MACROD2: variants seen among roughly 807,000 people sequenced by gnomAD.
The protein encoded by MACROD2 is ADP-ribose glycohydrolase MACROD2.
In MACROD2, 36 loss-of-function variants were observed where a neutral mutation model predicts 70.4. The ratio of observed to expected loss-of-function variants is 0.51; its 90% CI spans 0.39 to 0.68. The LOEUF is 0.68. Ranked by LOEUF, MACROD2 falls within the 30% of genes least tolerant of loss-of-function variation. MACROD2 has a pLI of 0.00. For missense variants in MACROD2, 496 were observed against 538.4 expected, an observed-to-expected ratio of 0.92 and a Z score of 0.78; for synonymous variants, 172 against 178.8, an observed-to-expected ratio of 0.96 and a Z score of 0.30.
intron 8 of MACROD2, among the ~76,000 whole-genome samples, chr20:15,822,428 T>C (rs934965930): frequency 6.6e-6 from 1 of 152,234 alleles, no homozygotes; most frequent in African/African-American, 2.4e-5. Flanking sequence ...GAAATAGTTA[T>C]GATAAAATAT....
intron 6 of MACROD2, among the ~76,000 whole-genome samples, chr20:15,376,217 A>T (rs904761361): frequency 1.3e-5 from 2 of 152,192 alleles, no homozygotes; most frequent in African/African-American, 4.8e-5. Flanking sequence ...TGAATAGAAG[A>T]TAGAGTTACG....
chr20:14,560,524 G>A (rs1465607681), intron 4 of MACROD2, among the ~76,000 whole-genome samples: 7 of 151,902 alleles, frequency 4.6e-5, no homozygotes, highest in African/African-American at 1.7e-4. Flanking sequence ...GGAAAAATAG[G>A]AAATTTTAAA....
intron 3 of MACROD2, among the ~76,000 whole-genome samples, chr20:14,098,075 T>C (rs1335673914): frequency 1.3e-5 from 2 of 152,214 alleles, no homozygotes; most frequent in African/African-American, 4.8e-5. Context: ...GATGGCCGTC[T>C]AAAGAGATAC....
chr20:14,929,129 A>G (rs954124991), intron 5 of MACROD2, among the ~76,000 whole-genome samples: 1 of 152,170 alleles, frequency 6.6e-6, no homozygotes, highest in Non-Finnish European at 1.5e-5. Context: ...CGGATTTTCT[A>G]CACATTACAA....
chr20:15,069,211 T>G (rs2075600459), intron 5 of MACROD2, among the ~76,000 whole-genome samples: 1 of 152,176 alleles, frequency 6.6e-6, no homozygotes, highest in South Asian at 2.1e-4. Context: ...GCATTCAAGA[T>G]GTGGCATGGC....
Position 14,841,175 on chromosome 20 carries a change from T to TTC in MACROD2, c.418+156217_418+156218insCT, listed in dbSNP as rs539911162. Among the ~76,000 whole-genome samples, 46 of 152,222 alleles carry TTC rather than the reference T, an allele frequency of 3.0e-4. 1 individual carries two copies. Among genetic ancestry groups the TTC allele is most frequent in the Admixed American group, 2.6e-3 (40 of 15,284 alleles). On this transcript the variant is annotated intron_variant, in intron 5 of 17. Transcript: ENST00000684519. ...ACAATTGTGAAAATAGAGAACTCAG[T>TTC]TATAGTTAAATGACTGATGTTCTAT...
chr20:15,933,779 A>G (rs1254740101), intron 11 of MACROD2, among the ~76,000 whole-genome samples: 2 of 152,152 alleles, frequency 1.3e-5, no homozygotes, highest in Non-Finnish European at 2.9e-5. Flanking sequence ...TTGAAGAGCT[A>G]TGCTTCAGGT....
intron 8 of MACROD2, among the ~76,000 whole-genome samples, chr20:15,672,901 G>A (rs927176489): frequency 6.6e-6 from 1 of 152,152 alleles, no homozygotes; most frequent in Non-Finnish European, 1.5e-5. Flanking sequence ...TGCTGTTCTT[G>A]TGACAGTGAA....
At chr20:14,645,491 T>C (rs1047813427) in intron 4 of MACROD2, among the ~76,000 whole-genome samples, 4 of 152,086 alleles carry the variant, frequency 2.6e-5, no homozygotes, top group Admixed American at 2.6e-4. Flanking sequence ...GTTTGCTTTT[T>C]CTAATTTAAT....
intron 3 of MACROD2, among the ~76,000 whole-genome samples, chr20:14,193,795 G>A (rs764586627): frequency 1.3e-5 from 2 of 152,210 alleles, no homozygotes; most frequent in African/African-American, 2.4e-5. Context: ...TTGGAACGAG[G>A]CAGAAATCTC....
At chr20:14,388,424 A>G (rs2083491054) in intron 3 of MACROD2, among the ~76,000 whole-genome samples, 1 of 152,176 alleles carries the variant, frequency 6.6e-6, no homozygotes, top group Non-Finnish European at 1.5e-5. Context: ...ATATGACTTG[A>G]TTTTACAAAA....
intron 4 of MACROD2, among the ~76,000 whole-genome samples, chr20:14,632,822 C>A (rs1043742053): frequency 6.6e-6 from 1 of 152,126 alleles, no homozygotes; most frequent in African/African-American, 2.4e-5. Flanking sequence ...ACAAGAAATT[C>A]TTTGAATTAA....
At chr20:14,092,956 G>A (rs1402043841) in intron 3 of MACROD2, among the ~76,000 whole-genome samples, 1 of 152,184 alleles carries the variant, frequency 6.6e-6, no homozygotes, top group Non-Finnish European at 1.5e-5. Flanking sequence ...AAGCACTGGT[G>A]CTCAAGCTAG....
chr20:15,530,382 G>T (rs2146545318), intron 8 of MACROD2, among the ~76,000 whole-genome samples: 1 of 152,224 alleles, frequency 6.6e-6, no homozygotes, highest in African/African-American at 2.4e-5. Context: ...GATTTCAGTA[G>T]CATGATTATT....
At chr20:15,039,764 G>C (rs1242672444) in intron 5 of MACROD2, among the ~76,000 whole-genome samples, 3 of 152,154 alleles carry the variant, frequency 2.0e-5, no homozygotes, top group Non-Finnish European at 2.9e-5. Flanking sequence ...GATACTTTTA[G>C]AGACAGCAGA....
At chr20:14,064,059 C>T (rs1364830835) in intron 2 of MACROD2, among the ~76,000 whole-genome samples, 1 of 152,144 alleles carries the variant, frequency 6.6e-6, no homozygotes, top group Non-Finnish European at 1.5e-5. Flanking sequence ...GGATACTCAA[C>T]CTGTAATTAA....
At chr20:14,657,010 C>T (rs921390650) in intron 4 of MACROD2, among the ~76,000 whole-genome samples, 1 of 152,164 alleles carries the variant, frequency 6.6e-6, no homozygotes, top group Non-Finnish European at 1.5e-5. Context: ...CTCTCCCACA[C>T]ATACCTATGC....
intron 8 of MACROD2, among the ~76,000 whole-genome samples, chr20:15,781,043 A>T (rs7265613): frequency 0.061 from 9,291 of 152,256 alleles, 869 homozygotes; most frequent in African/African-American, 0.2. Flanking sequence ...TGCTTAATAA[A>T]CATATTGAGT....
At chr20:15,307,482 C>T (rs948898605) in intron 6 of MACROD2, among the ~76,000 whole-genome samples, 2 of 152,152 alleles carry the variant, frequency 1.3e-5, no homozygotes, top group Admixed American at 6.6e-5. Context: ...TGTTCTGTCT[C>T]CTCTCTCCTT....
Sources: allele counts gnomAD v4.1 joint callset (sites outside exome capture counted in the v4.1 genomes callset), GRCh38; gene constraint gnomAD v4.1.1; transcripts MANE v1.5; gene names NCBI Gene and HGNC (gene_info 2026-07-23, HGNC 2026-07-21).